Variants in SCGB1D4 observed in about 807,000 individuals in gnomAD.
SCGB1D4 encodes IFN-gamma inducible SCGB (IIS).
SCGB1D4 carries 6 observed loss-of-function variants against 8.1 expected under a neutral mutation model. The observed-to-expected ratio is 0.74, with a 90% CI of 0.40 to 1.45. The LOEUF is 1.45. SCGB1D4 is among the 40% of genes most tolerant of loss of function. The probability of loss-of-function intolerance (pLI) is 0.02; values close to 1 mark genes in which losing one functional copy is unlikely to be tolerated. For synonymous variants in SCGB1D4, 34 were observed against 38.1 expected (o/e 0.89, Z 0.39); for missense variants, 93 against 95.0 (o/e 0.98, Z 0.09).
In SCGB1D4 at chr11:62,297,516, G is replaced by A. The variant is rs551456788; in HGVS notation, c.198C>T (p.Thr66=). The A allele has an allele frequency of 1.1e-5, 18 of 1,613,612 alleles. No individual in the cohort carries two copies. Among genetic ancestry groups the A allele is most frequent in the South Asian group, 5.5e-5 (5 of 91,026 alleles). Residue 66 remains threonine, a synonymous_variant, in exon 2 of 3, where the codon ACC becomes ACT. Coordinates refer to ENST00000358585, the MANE Select transcript of SCGB1D4 (RefSeq NM_206998.2). ...LAAKLEVKHC[T]DQISFKKRLS... is the part of the protein sequence containing the mutation. ...GTCGTTTCTTAAAAGATATCTGATCGGTGCAGTGCTTCACTTCCAACTTGG... is the reference window on the plus strand; with the variant it reads ...GTCGTTTCTTAAAAGATATCTGATCAGTGCAGTGCTTCACTTCCAACTTGG...
intron 1 of SCGB1D4, among the ~76,000 whole-genome samples, chr11:62,298,546 G>T (rs1945462954): frequency 1.3e-5 from 2 of 152,036 alleles, no homozygotes; most frequent in African/African-American, 2.4e-5. Flanking sequence ...ATCATCTGAG[G>T]TCGGGAGTTC....
rs747921223 is a variant in SCGB1D4, at chr11:62,296,369, C to A, written c.*41G>T. On this transcript the variant is annotated 3_prime_UTR_variant, in exon 3 of 3. Transcript: ENST00000358585. ...GGTGTCGTTGAAAGACTTTGGAAACCAGGTTGAGCATTTTTACATGTCACA... is the reference window on the plus strand; with the variant it reads ...GGTGTCGTTGAAAGACTTTGGAAACAAGGTTGAGCATTTTTACATGTCACA... 1 of 1,594,322 alleles carries A rather than the reference C, an allele frequency of 6.3e-7. No homozygotes were observed. Among genetic ancestry groups the A allele is most frequent in the Admixed American group, 1.7e-5 (1 of 59,838 alleles).
intron 1 of SCGB1D4, among the ~76,000 whole-genome samples, chr11:62,298,385 A>C (rs1406792810): frequency 1.3e-5 from 2 of 152,146 alleles, no homozygotes; most frequent in Non-Finnish European, 2.9e-5. Context: ...TTCAGAAGTG[A>C]AGCTCAGGCA....
At chr11:62,296,467 G>C (rs1265691077) in intron 2 of SCGB1D4, 48 bp from the exon 3 acceptor site, 2 of 1,589,312 alleles carry the variant, frequency 1.3e-6, no homozygotes, top group Non-Finnish European at 8.6e-7. Flanking sequence ...GGTCAGTCAT[G>C]CTGCTGCTGG....
At position 62,296,318 on chromosome 11, in the gene SCGB1D4, C is replaced by T. The variant is rs1378158274; in HGVS notation, c.*92G>A. ...GATTTATTAAAGCAACGTGTTGAAA[C>T]CTTTACAATTTTTAGTGAAGATCAG... On this transcript the variant is annotated 3_prime_UTR_variant, in exon 3 of 3. Coordinates refer to ENST00000358585, the MANE Select transcript of SCGB1D4 (RefSeq NM_206998.2). The T allele has an allele frequency of 1.8e-6, 2 of 1,140,900 alleles. No individual in the cohort carries two copies. The highest frequency in any genetic ancestry group is 1.5e-5 in the African/African-American group (1 of 65,476). The allele number at this position is 1,140,900 out of a possible 1,614,324, so 70.7% of individuals were successfully genotyped here. A position where few individuals can be genotyped will look rare whatever the true frequency, so the allele number is the denominator to read the frequency against.
chr11:62,297,554 C>T lies in SCGB1D4; in HGVS notation c.160G>A (p.Glu54Lys). 1 of 1,613,542 alleles carries T rather than the reference C, an allele frequency of 6.2e-7. No individual in the cohort carries two copies. The highest frequency in any genetic ancestry group is 1.3e-5 in the African/African-American group (1 of 75,008). The change falls in exon 2 of 3, where the codon GAA becomes AAA. Residue 54 changes from glutamate (E) to lysine (K), a missense_variant. By Grantham distance (56) the Glu-to-Lys change is moderately conservative. Coordinates refer to ENST00000358585, the MANE Select transcript of SCGB1D4 (RefSeq NM_206998.2). Reference sequence around the variant, plus strand: ...ACTTCCAACTTGGCTGCAAGAGCTTCTGGAGGTGGATTAAGTTTGGCAACT... The same window carrying T: ...ACTTCCAACTTGGCTGCAAGAGCTTTTGGAGGTGGATTAAGTTTGGCAACT... ...LQVAKLNPPP[E>K]ALAAKLEVKH...
intron 2 of SCGB1D4, among the ~76,000 whole-genome samples, chr11:62,296,727 TC>T (rs1945444002): frequency 6.6e-6 from 1 of 152,130 alleles, no homozygotes; most frequent in South Asian, 2.1e-4. Flanking sequence ...GTCTGGGCTG[TC>T]CCAGGTCTGT....
chr11:62,298,920 A>G (rs1371009227), intron 1 of SCGB1D4, 36 bp downstream of exon 1: 1 of 1,606,846 alleles, frequency 6.2e-7, no homozygotes, highest in Admixed American at 1.7e-5. Context: ...GGTGCATCCC[A>G]GGGGCTGGTG....
At position 62,297,647 on chromosome 11, in the gene SCGB1D4, C is replaced by A. The variant is rs1565139577; in HGVS notation, c.67G>T (p.Val23Phe). The change falls in exon 2 of 3, where the codon GTC becomes TTC. Residue 23 changes from valine to phenylalanine, a missense_variant. Coordinates refer to ENST00000358585, the MANE Select transcript of SCGB1D4 (RefSeq NM_206998.2). ...ATCTCAGAAGCAACAGCTGGGCAGA[C>A]AAGAGCATGGGCTGCAGCACAAAAA... ...ALCCYQAHAL[V>F]CPAVASEITV... The A allele has an allele frequency of 1.2e-6, 2 of 1,612,468 alleles. No homozygotes were observed. The highest frequency in any genetic ancestry group is 2.2e-5 in the East Asian group (1 of 44,870).
chr11:62,296,556 T>C (rs1013684940), intron 2 of SCGB1D4, 137 bp from the exon 3 acceptor site: 4 of 851,868 alleles, frequency 4.7e-6, no homozygotes, highest in African/African-American at 1.7e-5. Flanking sequence ...AGAATTCAGT[T>C]TGGGAAACTG....
At position 62,297,592 on chromosome 11, in the gene SCGB1D4, G is replaced by A. The variant is rs376095728; in HGVS notation, c.122C>T (p.Ala41Val). The A allele has an allele frequency of 3.2e-5, 52 of 1,613,902 alleles. No individual in the cohort carries two copies. Among genetic ancestry groups the A allele is most frequent in the African/African-American group, 5.3e-5 (4 of 74,910 alleles). The change falls in exon 2 of 3, where the codon GCG becomes GTG. Residue 41 changes from alanine to valine, a missense_variant. Transcript: ENST00000358585. The stretch of plus-strand genomic sequence containing the variant: ...AAGTTTGGCAACTTGGAGGTTTACC[G>A]CAGCGTCACTTAAGAATAAGAAGAC... ...ITVFLFLSDA[A>V]VNLQVAKLNP...
At chr11:62,298,085 G>T (rs10459037) in intron 1 of SCGB1D4, among the ~76,000 whole-genome samples, 2 of 128,754 alleles carry the variant, frequency 1.6e-5, no homozygotes, top group Non-Finnish European at 3.3e-5. Context: ...ATGGGGTTTC[G>T]CCATGTTGCC....
At chr11:62,297,756 T>A in intron 1 of SCGB1D4, 98 bp from the exon 2 acceptor site, 1 of 942,402 alleles carries the variant, frequency 1.1e-6, no homozygotes, top group Non-Finnish European at 1.6e-6. Context: ...CTGGGTTCTA[T>A]GTTTCTATAC....
At position 62,298,963 on chromosome 11, in the gene SCGB1D4, G is replaced by A. The variant is rs897113767; in HGVS notation, c.48C>T (p.Cys16=). The A allele has an allele frequency of 6.2e-7, 1 of 1,613,826 alleles. No individual in the cohort carries two copies. The highest frequency in any genetic ancestry group is 8.5e-7 in the Non-Finnish European group (1 of 1,179,894). Residue 16 remains cysteine (C), a synonymous_variant, in exon 1 of 3, where the codon TGC becomes TGT. Coordinates refer to ENST00000358585, the MANE Select transcript of SCGB1D4 (RefSeq NM_206998.2). ...CATGACTGATGTACTCACCCTGGTAGCAGCAAAGGGCCAGCGAGACCATCA... is the reference window on the plus strand; with the variant it reads ...CATGACTGATGTACTCACCCTGGTAACAGCAAAGGGCCAGCGAGACCATCA... ...CLLMVSLALC[C]YQAHALVCPA...
rs138527687 is a variant in SCGB1D4, at chr11:62,296,350, G to A, written c.*60C>T. 67 of 1,503,442 alleles carry A rather than the reference G, an allele frequency of 4.5e-5. No homozygotes were observed. The highest frequency in any genetic ancestry group is 9.0e-5 in the South Asian group (8 of 88,558). The allele number at this position is 1,503,442 out of a possible 1,614,324, so 93.1% of individuals were successfully genotyped here. A position where few individuals can be genotyped will look rare whatever the true frequency, so the allele number is the denominator to read the frequency against. On this transcript the variant is annotated 3_prime_UTR_variant, in exon 3 of 3. Coordinates refer to ENST00000358585, the MANE Select transcript of SCGB1D4 (RefSeq NM_206998.2). ...AATTTTTAGTGAAGATCAGGGTGTC[G>A]TTGAAAGACTTTGGAAACCAGGTTG...
chr11:62,298,779 A>T (rs1945465462), intron 1 of SCGB1D4, among the ~76,000 whole-genome samples, 177 bp downstream of exon 1: 1 of 151,008 alleles, frequency 6.6e-6, no homozygotes, highest in Non-Finnish European at 1.5e-5. Flanking sequence ...AAAAAAAGGA[A>T]GAAGAAAGAA....
rs564930734 is a variant in SCGB1D4 at position 62,297,373 on chromosome 11, G to A, written c.242+99C>T. On this transcript the variant is annotated intron_variant, in intron 2 of 2. Coordinates refer to ENST00000358585, the MANE Select transcript of SCGB1D4 (RefSeq NM_206998.2). ...CTCCCCATGTCCTCAGCACACTCTGGGGACACAGCATCCAGGCAGGTGACC... is the reference window on the plus strand; with the variant it reads ...CTCCCCATGTCCTCAGCACACTCTGAGGACACAGCATCCAGGCAGGTGACC... 24 of 981,922 alleles carry A rather than the reference G, an allele frequency of 2.4e-5. No homozygotes were observed. In the South Asian group the frequency reaches 2.7e-4, roughly 11 times the overall value. The allele number at this position is 981,922 out of a possible 1,614,324, so 60.8% of individuals were successfully genotyped here.
In SCGB1D4 at chr11:62,297,374, G is replaced by A. The variant is rs57957568; in HGVS notation, c.242+98C>T. On this transcript the variant is annotated intron_variant, in intron 2 of 2. Coordinates refer to ENST00000358585, the MANE Select transcript of SCGB1D4 (RefSeq NM_206998.2). ...TCCCCATGTCCTCAGCACACTCTGG[G>A]GACACAGCATCCAGGCAGGTGACCT... 865 of 991,546 alleles carry A rather than the reference G, an allele frequency of 8.7e-4. 8 individuals are homozygous for A. The African/African-American group carries it at 0.013, about 15-fold the overall frequency. The allele number at this position is 991,546 out of a possible 1,614,324, so 61.4% of individuals were successfully genotyped here.
At chr11:62,298,853 T>C in intron 1 of SCGB1D4, 103 bp downstream of exon 1, 1 of 1,040,512 alleles carries the variant, frequency 9.6e-7, no homozygotes, top group African/African-American at 1.6e-5. Flanking sequence ...GAATTTTGTT[T>C]GGTTTTGTGC....
Sources: allele counts gnomAD v4.1 joint callset (sites outside exome capture counted in the v4.1 genomes callset), GRCh38; gene constraint gnomAD v4.1.1; transcripts MANE v1.5; gene names NCBI Gene and HGNC (gene_info 2026-07-23, HGNC 2026-07-21).